CRLF2: variants seen among roughly 807,000 people sequenced by gnomAD.
CRLF2 encodes cytokine receptor-like factor 2.
Under a neutral mutation model 38.7 loss-of-function variants are expected in CRLF2, and 41 were observed. The ratio of observed to expected loss-of-function variants is 1.06; its 90% CI spans 0.83 to 1.37. The LOEUF is 1.37. CRLF2 is among the 40% of genes most tolerant of loss of function. The probability of loss-of-function intolerance (pLI) is 0.00; values close to 1 mark genes in which losing one functional copy is unlikely to be tolerated. For missense variants in CRLF2, 377 were observed against 322.2 expected, an observed-to-expected ratio of 1.17 and a Z score of -1.30; for synonymous variants, 140 against 128.8, an observed-to-expected ratio of 1.09 and a Z score of -0.59.
chrX:1,196,517 T>G (rs1280485874), intron 6 of CRLF2, among the ~76,000 whole-genome samples: 1 of 151,886 alleles, frequency 6.6e-6, no homozygotes, highest in African/African-American at 2.4e-5. Flanking sequence ...GAGATGGGAT[T>G]TCACCATATT....
intron 1 of CRLF2, 145 bp from the exon 2 acceptor site, chrX:1,209,053 CG>C: frequency 1.8e-6 from 1 of 562,698 alleles, no homozygotes; most frequent in Non-Finnish European, 3.2e-6. Flanking sequence ...CTGCAACCTC[CG>C]CCTCCCGGGT....
chrX:1,212,418 G>GAAAAAAAAAAAA (rs369256719), intron 1 of CRLF2, 138 bp downstream of exon 1: 241 of 430,220 alleles, frequency 5.6e-4, no homozygotes, highest in East Asian at 1.8e-3. Context: ...CTTGAACCCG[G>GAAAAAAAAAAAA]AAAAAAAAAA....
intron 1 of CRLF2, among the ~76,000 whole-genome samples, chrX:1,210,599 A>C (rs1376007039): frequency 3.3e-5 from 5 of 152,282 alleles, no homozygotes; most frequent in Middle Eastern, 3.4e-3. Context: ...CATGAGCCAC[A>C]GCGCCCGGCC....
At chrX:1,200,321 GTA>G (rs1202719419) in intron 4 of CRLF2, among the ~76,000 whole-genome samples, 5 of 109,038 alleles carry the variant, frequency 4.6e-5, no homozygotes, top group Non-Finnish European at 6.1e-5. Context: ...ACATATGTGT[GTA>G]TATATATGTG....
In CRLF2 at chrX:1,190,509, A is replaced by G. The variant is rs1299785144; in HGVS notation, c.*388T>C. ...GACTCTGTCTCAAAACAGACAAAAAATCCTCCGAGAATCCAATGCTATGGG... is the reference window on the plus strand; with the variant it reads ...GACTCTGTCTCAAAACAGACAAAAAGTCCTCCGAGAATCCAATGCTATGGG... On this transcript the variant is annotated 3_prime_UTR_variant, in exon 8 of 8. Coordinates refer to ENST00000400841, the MANE Select transcript of CRLF2 (RefSeq NM_022148.4). The G allele has an allele frequency of 9.3e-5, 24 of 258,862 alleles. No homozygotes were observed. The South Asian group carries it at 1.7e-3, about 19-fold the overall frequency. The allele number at this position is 258,862 out of a possible 1,614,324, so 16.0% of individuals were successfully genotyped here.
In CRLF2 at chrX:1,192,708, T is replaced by TTTTCTTTCTTTCTTTC. The variant is rs1165440754; in HGVS notation, c.852+494_852+509dup. ...TTCTCTTTCTTTTTCTTTTCTTTTCTTTTCTTTCTTTCTTTCTTTCTTTCT... is the reference window on the plus strand; with the variant it reads ...TTCTCTTTCTTTTTCTTTTCTTTTCTTTTCTTTCTTTCTTTCTTTCTTTCTTTCTTTCTTTCTTTCT... On this transcript the variant is annotated intron_variant, in intron 7 of 7. Transcript: ENST00000400841. Among the ~76,000 whole-genome samples, 285 of 110,098 alleles carry TTTTCTTTCTTTCTTTC rather than the reference T, an allele frequency of 2.6e-3. 3 individuals are homozygous for TTTTCTTTCTTTCTTTC. The highest frequency in any genetic ancestry group is 9.4e-3 in the Admixed American group (88 of 9,376). The allele number at this position is 110,098 out of a possible 152,430, so 72.2% of individuals were successfully genotyped here.
chrX:1,206,310 G>C, intron 3 of CRLF2, 123 bp downstream of exon 3: 1 of 843,196 alleles, frequency 1.2e-6, no homozygotes, highest in East Asian at 2.4e-5. Flanking sequence ...TGGTGAGCTT[G>C]CTTCTCAATA....
At chrX:1,195,941 TTA>T (rs1362983358) in intron 6 of CRLF2, among the ~76,000 whole-genome samples, 10 of 141,784 alleles carry the variant, frequency 7.1e-5, no homozygotes, top group African/African-American at 2.0e-4. Context: ...TTAAATATAT[TTA>T]TATATATTTT....
At position 1,204,150 on chromosome X, in the gene CRLF2, CTG is replaced by C. The variant is rs782552615; in HGVS notation, c.350-1617_350-1616del. ...GATGAGAGAGTATTTCCAGCTCACT[CTG>C]TGTGTGTGTGTGTGTGTGTGTGTGT... On this transcript the variant is annotated intron_variant, in intron 3 of 7. Coordinates refer to ENST00000400841, the MANE Select transcript of CRLF2 (RefSeq NM_022148.4). 8.3e-3 allele frequency among the ~76,000 whole-genome samples: 1,041 copies of C among 124,722 alleles called. 13 individuals carry two copies. Among genetic ancestry groups the C allele is most frequent in the African/African-American group, 0.027 (937 of 35,264 alleles). 81.8% of individuals were successfully genotyped at this position (124,722 alleles called of 152,430 possible). A position where few individuals can be genotyped will look rare whatever the true frequency, so the allele number is the denominator to read the frequency against.
At chrX:1,196,990 G>T in intron 5 of CRLF2, 90 bp from the exon 6 acceptor site, 2 of 1,042,466 alleles carry the variant, frequency 1.9e-6, no homozygotes, top group Non-Finnish European at 2.6e-6. Context: ...TCCCTAACCA[G>T]TCTCCCTCAT....
chrX:1,212,417 G>GAAAAAAAAAAAAAA, intron 1 of CRLF2, 139 bp downstream of exon 1: 2 of 531,572 alleles, frequency 3.8e-6, no homozygotes, highest in African/African-American at 8.6e-5. Context: ...GCTTGAACCC[G>GAAAAAAAAAAAAAA]GAAAAAAAAA....
At chrX:1,194,901 GC>G (rs2086450805) in intron 6 of CRLF2, among the ~76,000 whole-genome samples, 1 of 151,794 alleles carries the variant, frequency 6.6e-6, no homozygotes, top group Non-Finnish European at 1.5e-5. Context: ...GTGTGGTGGC[GC>G]GCACCTGTAG....
Position 1,198,677 on chromosome X carries a change from G to A in CRLF2, c.531C>T (p.Ala177=), listed in dbSNP as rs769271309. ...TCNVTIEGLD[A]EKCYSFWVRV... is the part of the protein sequence containing the mutation. ...TGACCCAGAAAGAGTAACACTTCTC[G>A]GCATCCAAGCCTTCTATGGTGACGT... The change falls in exon 5 of 8, where the codon GCC becomes GCT. Residue 177 remains alanine (A), a synonymous_variant. Transcript: ENST00000400841. The A allele has an allele frequency of 3.5e-5, 56 of 1,612,044 alleles. No homozygotes were observed. Among genetic ancestry groups the A allele is most frequent in the South Asian group, 1.6e-4 (15 of 91,018 alleles).
In CRLF2 at chrX:1,200,036, TGTGTGTATATATGTGTGTATATAAG is replaced by T. The variant is rs1225976704; in HGVS notation, c.484-1337_484-1313del. Among the ~76,000 whole-genome samples, 33 of 146,976 alleles carry T rather than the reference TGTGTGTATATATGTGTGTATATAAG, an allele frequency of 2.2e-4. No individual in the cohort carries two copies. In the South Asian group the frequency reaches 4.7e-3, roughly 21 times the overall value. On this transcript the variant is annotated intron_variant, in intron 4 of 7. Coordinates refer to ENST00000400841, the MANE Select transcript of CRLF2 (RefSeq NM_022148.4). ...TGTGTATATAAGCTCTGTATATATG[TGTGTGTATATATGTGTGTATATAAG>T]GTGTGTATATATGTGTATATGTATT...
At chrX:1,195,009 G>A (rs1479661553) in intron 6 of CRLF2, among the ~76,000 whole-genome samples, 1 of 151,888 alleles carries the variant, frequency 6.6e-6, no homozygotes, top group Non-Finnish European at 1.5e-5. Flanking sequence ...TCCAGCCTGG[G>A]TGACAGAGTG....
chrX:1,193,132 A>C lies in CRLF2; in HGVS notation c.852+86T>G, dbSNP rs2086422418. On this transcript the variant is annotated intron_variant, in intron 7 of 7. Transcript: ENST00000400841. ...CCGGCTGTTAATGTCATTCTCTAAAAAGGTCGCGCTCAGAGAGATAGGAAT... is the reference window on the plus strand; with the variant it reads ...CCGGCTGTTAATGTCATTCTCTAAACAGGTCGCGCTCAGAGAGATAGGAAT... 4 of 397,528 alleles carry C rather than the reference A, an allele frequency of 1.0e-5. No homozygotes were observed. The Admixed American group carries it at 1.3e-4, about 13-fold the overall frequency. 24.6% of individuals were successfully genotyped at this position (397,528 alleles called of 1,614,324 possible). A position where few individuals can be genotyped will look rare whatever the true frequency, so the allele number is the denominator to read the frequency against.
rs1380937262 is a variant in CRLF2 at position 1,212,456 on chromosome X, C to T, written c.79+100G>A. 4.2e-6 allele frequency: 3 copies of T among 715,180 alleles called. No homozygotes were observed. In the African/African-American group the frequency reaches 5.7e-5, roughly 14 times the overall value. The allele number at this position is 715,180 out of a possible 1,614,324, so 44.3% of individuals were successfully genotyped here. ...AAAAAAAAGAAAAGAAGAAAGAAAC[C>T]TCCATGCTCATTGTTTAAGTTTTAC... is the stretch of plus-strand genomic sequence containing the variant. On this transcript the variant is annotated intron_variant, in intron 1 of 7. Transcript: ENST00000400841.
chrX:1,199,602 G>T (rs1352813652), intron 4 of CRLF2, among the ~76,000 whole-genome samples: 1 of 151,996 alleles, frequency 6.6e-6, no homozygotes, highest in Non-Finnish European at 1.5e-5. Context: ...CATCCAGCCT[G>T]TATCTACATA....
intron 4 of CRLF2, among the ~76,000 whole-genome samples, chrX:1,201,298 C>CTGTGTGTGTA (rs1940788407): frequency 6.6e-6 from 1 of 150,518 alleles, no homozygotes; most frequent in African/African-American, 2.5e-5. Flanking sequence ...CTGTGTGTGT[C>CTGTGTGTGTA]TGTGCATGTC....
Sources: gnomAD v4.1 joint callset for allele counts (sites outside exome capture counted in the v4.1 genomes callset) on GRCh38, gnomAD v4.1.1 for gene constraint, MANE v1.5 for transcripts, NCBI Gene and HGNC (gene_info 2026-07-23, HGNC 2026-07-21) for gene names.